The following PCDHGA1 variants were observed in gnomAD, a reference collection of about 807,000 sequenced individuals.
PCDHGA1 encodes protocadherin gamma subfamily A, 1, also known as protocadherin gamma-A1.
PCDHGA1 carries 32 observed loss-of-function variants against 58.0 expected under a neutral mutation model. The observed-to-expected ratio is 0.55, with a 90% CI of 0.42 to 0.74. The LOEUF is 0.74. PCDHGA1 is among the 30% of genes least tolerant of loss of function. The pLI is 0.00. For missense variants in PCDHGA1, 1,205 were observed against 1,182.3 expected (o/e 1.02, Z -0.28); for synonymous variants, 498 against 501.1 (o/e 0.99, Z 0.08).
intron 1 of PCDHGA1, chr5:141,357,084 C>G (rs1399515564): frequency 3.1e-6 from 5 of 1,613,794 alleles, no homozygotes; most frequent in Admixed American, 1.7e-5. Context: ...AGGTGCGCAC[C>G]GCACGGGCCC....
chr5:141,403,697 G>A (rs1230785832), intron 1 of PCDHGA1: 5 of 1,613,830 alleles, frequency 3.1e-6, no homozygotes, highest in Admixed American at 1.7e-5. Context: ...GATTTACCGA[G>A]TTAAAGTCCT....
chr5:141,497,374 T>C (rs2099776044), intron 2 of PCDHGA1, among the ~76,000 whole-genome samples: 1 of 152,112 alleles, frequency 6.6e-6, no homozygotes, highest in Non-Finnish European at 1.5e-5. Flanking sequence ...ATGTGTCCTC[T>C]GGGGTGAGCA....
chr5:141,505,326 G>A, intron 2 of PCDHGA1, 67 bp from the exon 3 acceptor site: 2 of 1,607,648 alleles, frequency 1.2e-6, no homozygotes, highest in East Asian at 2.2e-5. Context: ...AGCCCTGGGA[G>A]AGGACAGGAG....
At chr5:141,361,278 A>C (rs776923636) in intron 1 of PCDHGA1, 5 of 1,614,014 alleles carry the variant, frequency 3.1e-6, no homozygotes, top group Non-Finnish European at 4.2e-6. Context: ...AAAATGGAGA[A>C]GTTTACTGCC....
chr5:141,389,718 C>G, intron 1 of PCDHGA1: 5 of 1,612,622 alleles, frequency 3.1e-6, no homozygotes, highest in Non-Finnish European at 4.2e-6. Flanking sequence ...GGCTAGCGAG[C>G]CCGGGCTCTT....
At chr5:141,375,121 A>G (rs1483677104) in intron 1 of PCDHGA1, 1 of 1,613,942 alleles carries the variant, frequency 6.2e-7, no homozygotes, top group Non-Finnish European at 8.5e-7. Context: ...ATGTACCAGA[A>G]GTGGTTGTTA....
At chr5:141,475,315 A>G (rs766425496) in intron 1 of PCDHGA1, among the ~76,000 whole-genome samples, 2 of 152,182 alleles carry the variant, frequency 1.3e-5, no homozygotes, top group Non-Finnish European at 2.9e-5. Flanking sequence ...CCTGGTTCTT[A>G]AGAAATGAGA....
chr5:141,438,623 TATATATATATATACACAC>T (rs1435936123), intron 1 of PCDHGA1, among the ~76,000 whole-genome samples: 532 of 42,826 alleles, frequency 0.012, 5 homozygotes, highest in African/African-American at 0.075. Flanking sequence ...TATATATATA[TATATATATATATACACAC>T]ACACACACAC....
intron 1 of PCDHGA1, chr5:141,421,442 A>G (rs769354611): frequency 1.7e-5 from 27 of 1,613,990 alleles, no homozygotes; most frequent in Non-Finnish European, 2.2e-5. Context: ...TCCAGAGGGA[A>G]GACACAGCTT....
intron 1 of PCDHGA1, chr5:141,410,489 G>T (rs1233643247): frequency 1.9e-6 from 3 of 1,613,854 alleles, no homozygotes; most frequent in Non-Finnish European, 1.7e-6. Context: ...GGGTACAAAA[G>T]AGTTTAATTT....
rs752629029 is a variant in PCDHGA1 at position 141,355,350 on chromosome 5, G to T, written c.2421+22245G>T. 6 of 1,614,046 alleles carry T rather than the reference G, an allele frequency of 3.7e-6. No homozygotes were observed. The East Asian group carries it at 1.3e-4, about 36-fold the overall frequency. ...GCTCAGTGGTGGGCAACATCGCCAA[G>T]GACCTGGGGTTGGCGCCCCGGGAGC... On this transcript the variant is annotated intron_variant, in intron 1 of 3. Coordinates refer to ENST00000517417, the MANE Select transcript of PCDHGA1 (RefSeq NM_018912.3).
rs70988800 is a variant in PCDHGA1, at chr5:141,379,889, CTTTTTTTTTTTTTTT to C, written c.2421+46800_2421+46814del. On this transcript the variant is annotated intron_variant, in intron 1 of 3. Coordinates refer to ENST00000517417, the MANE Select transcript of PCDHGA1 (RefSeq NM_018912.3). ...CTTATTTTATGGTCTGTGAAAGCCT[CTTTTTTTTTTTTTTT>C]TTTTTTTTTTTTTTTGTCAGAGTCT... Among the ~76,000 whole-genome samples the C allele has an allele frequency of 9.8e-4, 50 of 50,836 alleles. 1 individual carries two copies. Among genetic ancestry groups the C allele is most frequent in the Non-Finnish European group, 5.4e-4 (14 of 25,884 alleles). The allele number at this position is 50,836 out of a possible 152,430, so 33.4% of individuals were successfully genotyped here.
chr5:141,331,106 AAATG>A lies in PCDHGA1; in HGVS notation c.429_432del (p.Asn143LysfsTer2). ...TTCCAGTTAGAGGAACTGGAGTTTA[AAATG>A]AATGAAATAACGACTCCAGGTACCA... On this transcript the variant is annotated frameshift_variant, in exon 1 of 4. Transcript: ENST00000517417. LOFTEE classifies it high-confidence loss of function. 6.2e-7 allele frequency: 1 copy of A among 1,614,202 alleles called. No homozygotes were observed. Among genetic ancestry groups the A allele is most frequent in the Non-Finnish European group, 8.5e-7 (1 of 1,180,038 alleles).
intron 1 of PCDHGA1, 66 bp downstream of exon 1, chr5:141,333,171 G>A (rs1195108473): frequency 1.2e-6 from 2 of 1,606,366 alleles, no homozygotes; most frequent in Non-Finnish European, 1.7e-6. Flanking sequence ...ACTTACTAGC[G>A]TTCGCTCTTT....
chr5:141,367,537 A>AAAT (rs373624904), intron 1 of PCDHGA1: 1 of 147,434 alleles, frequency 6.8e-6, no homozygotes, highest in Admixed American at 6.8e-5. Context: ...ACTCCGTCTC[A>AAAT]AAATAAATAA....
chr5:141,352,273 C>T, intron 1 of PCDHGA1: 2 of 1,614,082 alleles, frequency 1.2e-6, no homozygotes, highest in Non-Finnish European at 1.7e-6. Flanking sequence ...TGCCAGACCT[C>T]AGCGACCGCC....
chr5:141,362,320 C>T, intron 1 of PCDHGA1: 1 of 1,614,074 alleles, frequency 6.2e-7, no homozygotes, highest in South Asian at 1.1e-5. Flanking sequence ...CTGTTTTCAG[C>T]CTGGTCTCAG....
chr5:141,360,825 C>T, intron 1 of PCDHGA1: 1 of 1,613,960 alleles, frequency 6.2e-7, no homozygotes, highest in South Asian at 1.1e-5. Context: ...AAATCCGAAT[C>T]AAAGTCACGG....
chr5:141,436,277 T>G (rs2097806022), intron 1 of PCDHGA1, among the ~76,000 whole-genome samples: 1 of 152,194 alleles, frequency 6.6e-6, no homozygotes, highest in Non-Finnish European at 1.5e-5. Flanking sequence ...TAACTTGATT[T>G]AGGAACAAAT....
Sources: gnomAD v4.1 joint callset for allele counts (sites outside exome capture counted in the v4.1 genomes callset) on GRCh38, gnomAD v4.1.1 for gene constraint, MANE v1.5 for transcripts, NCBI Gene and HGNC (gene_info 2026-07-23, HGNC 2026-07-21) for gene names.